The following PTPRT variants were observed in gnomAD, a reference collection of about 807,000 sequenced individuals.
PTPRT encodes the protein protein tyrosine phosphatase receptor type T.
Under a neutral mutation model 176.8 loss-of-function variants are expected in PTPRT, and 56 were observed. That is an observed-to-expected ratio of 0.32 (90% CI 0.26 to 0.40). The LOEUF is 0.40. Among genes scored for constraint, PTPRT ranks in the 10% least tolerant of loss-of-function variants. The pLI, the probability that PTPRT is intolerant of heterozygous loss-of-function variation, is 1.00. For missense variants in PTPRT, 1,540 were observed against 1,908.2 expected, an observed-to-expected ratio of 0.81 and a Z score of 3.60; for synonymous variants, 783 against 739.0, an observed-to-expected ratio of 1.06 and a Z score of -0.96.
intron 3 of PTPRT, among the ~76,000 whole-genome samples, chr20:42,786,955 G>A (rs2077299842): frequency 6.6e-6 from 1 of 152,150 alleles, no homozygotes; most frequent in African/African-American, 2.4e-5. Flanking sequence ...GTTCAGCTAT[G>A]GCCTGGAAGC....
At chr20:42,141,855 G>T in intron 18 of PTPRT, 60 bp downstream of exon 18, 1 of 1,406,684 alleles carries the variant, frequency 7.1e-7, no homozygotes, top group Non-Finnish European at 1.0e-6. Context: ...AATAGTAATA[G>T]CCTCTTTTCC....
intron 23 of PTPRT, 23 bp from the exon 24 acceptor site, chr20:42,106,944 G>A (rs1986504444): frequency 6.2e-7 from 1 of 1,608,566 alleles, no homozygotes; most frequent in African/African-American, 1.3e-5. Context: ...TATGGTCTGT[G>A]TTAAGGATCT....
At chr20:43,083,335 T>TATATATATATATAC (rs2011499678) in intron 1 of PTPRT, among the ~76,000 whole-genome samples, 1 of 106,830 alleles carries the variant, frequency 9.4e-6, no homozygotes, top group African/African-American at 3.7e-5. Context: ...TATATATATA[T>TATATATATATATAC]ATATATATAT....
intron 8 of PTPRT, among the ~76,000 whole-genome samples, chr20:42,456,660 A>C (rs1198893802): frequency 6.6e-6 from 1 of 152,156 alleles, no homozygotes; most frequent in East Asian, 1.9e-4. Flanking sequence ...TTACACAAAC[A>C]GATTTACTAA....
chr20:42,437,400 T>C (rs984423528), intron 9 of PTPRT, among the ~76,000 whole-genome samples: 54 of 152,200 alleles, frequency 3.5e-4, no homozygotes, highest in Non-Finnish European at 8.8e-5. Context: ...CACTCTGCAA[T>C]GACTAACCAA....
intron 7 of PTPRT, among the ~76,000 whole-genome samples, chr20:42,477,607 G>A (rs1031525658): frequency 6.6e-6 from 1 of 152,124 alleles, no homozygotes; most frequent in Non-Finnish European, 1.5e-5. Flanking sequence ...AGAAAGCCTT[G>A]TGTGTGCAGT....
chr20:42,215,985 T>C (rs6072658), intron 15 of PTPRT, among the ~76,000 whole-genome samples: 34,325 of 152,106 alleles, frequency 0.23, 4,478 homozygotes, highest in African/African-American at 0.34. Flanking sequence ...CAACAAAGCC[T>C]GTATGTGGAT....
Position 42,642,665 on chromosome 20 carries a change from T to C in PTPRT, c.1153+35201A>G, listed in dbSNP as rs1018107970. Among the ~76,000 whole-genome samples the C allele has an allele frequency of 2.0e-5, 3 of 152,166 alleles. No individual in the cohort carries two copies. The South Asian group carries it at 6.2e-4, about 32-fold the overall frequency. On this transcript the variant is annotated intron_variant, in intron 7 of 30. Transcript: ENST00000373187. ...TGAGTGGTAACTAGTATTACACTCT[T>C]TAATACCAATAATTCCCAAGGAAGA...
chr20:42,887,935 A>G (rs1019309292), intron 1 of PTPRT, among the ~76,000 whole-genome samples: 3 of 152,308 alleles, frequency 2.0e-5, no homozygotes, highest in Admixed American at 6.5e-5. Flanking sequence ...CTTATAAAAG[A>G]TGCCCTAGGC....
intron 6 of PTPRT, among the ~76,000 whole-genome samples, chr20:42,756,008 G>T (rs1289149487): frequency 6.6e-6 from 1 of 152,098 alleles, no homozygotes; most frequent in Non-Finnish European, 1.5e-5. Context: ...TTGAATCAAG[G>T]CCAGTGGGGT....
At chr20:42,619,078 C>A (rs1174204377) in intron 7 of PTPRT, among the ~76,000 whole-genome samples, 1 of 151,054 alleles carries the variant, frequency 6.6e-6, no homozygotes, top group Admixed American at 6.6e-5. Flanking sequence ...GCGGCTGGTA[C>A]CGGTTGCTCC....
intron 27 of PTPRT, among the ~76,000 whole-genome samples, chr20:42,096,764 T>TAAAA (rs1568924910): frequency 1.4e-3 from 187 of 134,874 alleles, no homozygotes; most frequent in African/African-American, 4.7e-3. Context: ...AAATTTTTTT[T>TAAAA]TTTTTTTTTT....
At chr20:43,096,975 A>G (rs2012196205) in intron 1 of PTPRT, among the ~76,000 whole-genome samples, 1 of 152,224 alleles carries the variant, frequency 6.6e-6, no homozygotes, top group South Asian at 2.1e-4. Flanking sequence ...AGATTAAATT[A>G]AAAAGCCAAA....
At chr20:42,619,272 A>T (rs1183194344) in intron 7 of PTPRT, among the ~76,000 whole-genome samples, 1 of 133,232 alleles carries the variant, frequency 7.5e-6, no homozygotes, top group Non-Finnish European at 1.6e-5. Flanking sequence ...ATTGGCCCCC[A>T]CTCTCTTCTG....
chr20:42,525,080 C>T (rs944562289), intron 7 of PTPRT, among the ~76,000 whole-genome samples: 5 of 152,180 alleles, frequency 3.3e-5, no homozygotes, highest in Admixed American at 6.5e-5. Context: ...CTGTACCTCC[C>T]GGGCCCAAGC....
chr20:43,105,968 C>CTGTCAAGGAATGG (rs1568788341), intron 1 of PTPRT, among the ~76,000 whole-genome samples: 1 of 152,066 alleles, frequency 6.6e-6, no homozygotes, highest in African/African-American at 2.4e-5. Context: ...ATGGTGTGCA[C>CTGTCAAGGAATGG]TGAAGCCCAT....
At chr20:42,395,120 T>G (rs970239124) in intron 9 of PTPRT, among the ~76,000 whole-genome samples, 1 of 152,160 alleles carries the variant, frequency 6.6e-6, no homozygotes, top group Non-Finnish European at 1.5e-5. Context: ...GGTGATCCTT[T>G]ACATTTCCCC....
intron 7 of PTPRT, among the ~76,000 whole-genome samples, chr20:42,520,706 T>C (rs1160483408): frequency 6.6e-6 from 1 of 151,982 alleles, no homozygotes; most frequent in Non-Finnish European, 1.5e-5. Context: ...TTATGGGAGA[T>C]GGTATTTAGA....
At chr20:42,571,089 T>G (rs1449840975) in intron 7 of PTPRT, among the ~76,000 whole-genome samples, 1 of 152,204 alleles carries the variant, frequency 6.6e-6, no homozygotes, top group Non-Finnish European at 1.5e-5. Context: ...TAAAGAACTC[T>G]TAGAACATGG....
Sources: gnomAD v4.1 joint callset for allele counts (sites outside exome capture counted in the v4.1 genomes callset) on GRCh38, gnomAD v4.1.1 for gene constraint, MANE v1.5 for transcripts, NCBI Gene and HGNC (gene_info 2026-07-23, HGNC 2026-07-21) for gene names.